The following SPEG variants were observed in gnomAD, a reference collection of about 807,000 sequenced individuals.
SPEG encodes striated muscle enriched protein kinase, also known as striated muscle preferentially expressed protein kinase.
SPEG carries 114 observed loss-of-function variants against 300.4 expected under a neutral mutation model. The observed-to-expected ratio is 0.38, with a 90% confidence interval of 0.33 to 0.44. SPEG has a LOEUF of 0.44. SPEG is among the 20% of genes least tolerant of loss of function. The pLI is 1.00. For missense variants in SPEG, 4,201 were observed against 4,586.2 expected, an observed-to-expected ratio of 0.92 and a Z score of 2.43; for synonymous variants, 1,964 against 2,018.9, an observed-to-expected ratio of 0.97 and a Z score of 0.73.
At chr2:219,466,943 C>G in intron 9 of SPEG, 1 of 1,096,652 alleles carries the variant, frequency 9.1e-7, no homozygotes, top group East Asian at 3.1e-5. Context: ...CCTCAGTTCC[C>G]TCTTGCCTCC....
chr2:219,473,970 G>T lies in SPEG; in HGVS notation c.4447+67G>T. 6.6e-7 allele frequency: 1 copy of T among 1,519,998 alleles called. No individual in the cohort carries two copies. Among genetic ancestry groups the T allele is most frequent in the Non-Finnish European group, 8.9e-7 (1 of 1,127,388 alleles). The allele number at this position is 1,519,998 out of a possible 1,614,324, so 94.2% of individuals were successfully genotyped here. On this transcript the variant is annotated intron_variant, in intron 18 of 40. Transcript: ENST00000312358. The surrounding 1 kb of genome is among the most constrained non-coding windows in gnomAD (Gnocchi z 4.6). Reference sequence around the variant, plus strand: ...CCAAAGCTCTCTACTCACACCCCCAGGTACACAACCTGCCTGACACTGCTG... The same window carrying T: ...CCAAAGCTCTCTACTCACACCCCCATGTACACAACCTGCCTGACACTGCTG...
At chr2:219,447,680 C>T (rs1388912828) in intron 3 of SPEG, among the ~76,000 whole-genome samples, 1 of 152,072 alleles carries the variant, frequency 6.6e-6, no homozygotes. Flanking sequence ...TCTGTTTCCG[C>T]TGTTTCTCGG....
At position 219,481,928 on chromosome 2, in the gene SPEG, G is replaced by A. The variant is rs1692885685; in HGVS notation, c.5565+248G>A. On this transcript the variant is annotated intron_variant, in intron 28 of 40. Coordinates refer to ENST00000312358, the MANE Select transcript of SPEG (RefSeq NM_005876.5). The surrounding 1 kb of genome is among the most constrained non-coding windows in gnomAD (Gnocchi z 5.4). ...TACTGGACTCCAGGGCATACGTCTG[G>A]ACCTCTCCATCCTGGGCGTCCTCAG... is the stretch of plus-strand genomic sequence containing the variant. 1 of 593,510 alleles carries A rather than the reference G, an allele frequency of 1.7e-6. No individual in the cohort carries two copies. The highest frequency in any genetic ancestry group is 3.0e-6 in the Non-Finnish European group (1 of 331,706). 36.8% of individuals were successfully genotyped at this position (593,510 alleles called of 1,614,324 possible). A position where few individuals can be genotyped will look rare whatever the true frequency, so the allele number is the denominator to read the frequency against.
chr2:219,459,254 C>T lies in SPEG; in HGVS notation c.2441-2628C>T, dbSNP rs1690444853. Reference sequence around the variant, plus strand: ...GGTTTAGGGGGGCACCTGCCCCCTCCTTCCTGGCTGGTGTAACTGTGTTTG... The same window carrying T: ...GGTTTAGGGGGGCACCTGCCCCCTCTTTCCTGGCTGGTGTAACTGTGTTTG... On this transcript the variant is annotated intron_variant, in intron 6 of 40. Transcript: ENST00000312358. The surrounding 1 kb of genome is among the most constrained non-coding windows in gnomAD (Gnocchi z 4.9). Among the ~76,000 whole-genome samples the T allele has an allele frequency of 1.3e-5, 2 of 152,228 alleles. No individual in the cohort carries two copies. The highest frequency in any genetic ancestry group is 1.3e-4 in the Admixed American group (2 of 15,286).
At position 219,435,184 on chromosome 2, in the gene SPEG, GC is replaced by G; in HGVS notation, c.211del (p.Gln71SerfsTer107). 1 of 1,476,362 alleles carries G rather than the reference GC, an allele frequency of 6.8e-7. No homozygotes were observed. 91.5% of individuals were successfully genotyped at this position (1,476,362 alleles called of 1,614,324 possible). A position where few individuals can be genotyped will look rare whatever the true frequency, so the allele number is the denominator to read the frequency against. On this transcript the variant is annotated frameshift_variant, in exon 1 of 41. Transcript: ENST00000312358. LOFTEE classifies it high-confidence loss of function. Reference protein sequence around the residue: ...VRLRVVVSGTPQPSLRWFRDG... With the variant: ...VRLRVVVSGTXQPSLRWFRDG... ...GGCTGCGGGTGGTGGTGAGCGGGAC[GC>G]CCCAGCCCAGCCTCCGCTGGTTCCG...
rs572398417 is a variant in SPEG, at chr2:219,479,026, A to C, written c.5028-118A>C. On this transcript the variant is annotated intron_variant, in intron 22 of 40. Coordinates refer to ENST00000312358, the MANE Select transcript of SPEG (RefSeq NM_005876.5). This position sits in a 1 kb window ranked among gnomAD's most constrained non-coding sequence, Gnocchi z 5.5. Reference sequence around the variant, plus strand: ...AGGAGCGGAGAGGCAGTCTCTGGCTAGTATCAAGCATTCTGTAAGGGGAAG... The same window carrying C: ...AGGAGCGGAGAGGCAGTCTCTGGCTCGTATCAAGCATTCTGTAAGGGGAAG... 2.4e-6 allele frequency: 2 copies of C among 833,850 alleles called. No homozygotes were observed. Among genetic ancestry groups the C allele is most frequent in the East Asian group, 5.2e-5 (2 of 38,326 alleles). 51.7% of individuals were successfully genotyped at this position (833,850 alleles called of 1,614,324 possible).
intron 9 of SPEG, chr2:219,465,417 G>C: frequency 6.5e-6 from 1 of 154,550 alleles, no homozygotes; most frequent in Non-Finnish European, 1.4e-5. Flanking sequence ...TGGCCCCCCT[G>C]CCTCAGTTCC....
At chr2:219,482,876 G>A (rs1390288181) in intron 29 of SPEG, 24 bp downstream of exon 29, 1 of 1,610,008 alleles carries the variant, frequency 6.2e-7, no homozygotes, top group African/African-American at 1.3e-5. Flanking sequence ...GCCAGCCTCT[G>A]TGCTTTCCAC....
rs982021382 is a variant in SPEG, at chr2:219,479,007, G to A, written c.5028-137G>A. 7.3e-5 allele frequency: 53 copies of A among 727,292 alleles called. No individual in the cohort carries two copies. The highest frequency in any genetic ancestry group is 1.0e-4 in the Non-Finnish European group (44 of 419,084). 45.1% of individuals were successfully genotyped at this position (727,292 alleles called of 1,614,324 possible). On this transcript the variant is annotated intron_variant, in intron 22 of 40. Coordinates refer to ENST00000312358, the MANE Select transcript of SPEG (RefSeq NM_005876.5). This position sits in a 1 kb window ranked among gnomAD's most constrained non-coding sequence, Gnocchi z 5.5. The stretch of plus-strand genomic sequence containing the variant: ...GGGGAGGGGGTACACGTGGAGGAGC[G>A]GAGAGGCAGTCTCTGGCTAGTATCA...
chr2:219,438,290 T>C (rs552287042), intron 1 of SPEG, among the ~76,000 whole-genome samples: 1 of 152,230 alleles, frequency 6.6e-6, no homozygotes, highest in South Asian at 2.1e-4. Context: ...GTTACTGTTA[T>C]GACCATTATT....
Position 219,448,426 on chromosome 2 carries a change from C to T in SPEG, c.1268C>T (p.Pro423Leu), listed in dbSNP as rs1303180441. The stretch of plus-strand genomic sequence containing the variant: ...GAGCGCAGCGACTCGCCGCCGGCGC[C>T]CCTGCGGCCCTGGGTGCCCCTGCGC... Reference protein sequence around the residue: ...SLERSDSPPAPLRPWVPLRKA... With the variant: ...SLERSDSPPALLRPWVPLRKA... The change falls in exon 4 of 41, where the codon CCC (proline) becomes CTC (leucine). Residue 423 changes from proline (P) to leucine (L), a missense_variant. Pro to Leu is a moderately conservative substitution (Grantham distance 98). This residue lies in a region of SPEG where 1,258 missense variants were observed against 1,293.9 expected (regional missense o/e 0.97). Coordinates refer to ENST00000312358, the MANE Select transcript of SPEG (RefSeq NM_005876.5). 1.4e-5 allele frequency: 21 copies of T among 1,519,764 alleles called. No individual in the cohort carries two copies. The highest frequency in any genetic ancestry group is 2.6e-5 in the East Asian group (1 of 38,966). 94.1% of individuals were successfully genotyped at this position (1,519,764 alleles called of 1,614,324 possible).
intron 3 of SPEG, 144 bp from the exon 4 acceptor site, chr2:219,447,830 G>T (rs1026404433): frequency 1.6e-4 from 118 of 735,990 alleles, no homozygotes; most frequent in South Asian, 8.9e-4. Flanking sequence ...TCCTCGTGGG[G>T]GTGGGGGTGG....
At position 219,479,798 on chromosome 2, in the gene SPEG, C is replaced by T. The variant is rs756388642; in HGVS notation, c.5101C>T (p.Arg1701Trp). Residue 1701 changes from arginine (R) to tryptophan (W), a missense_variant, in exon 24 of 41, where the codon CGG becomes TGG. Around this residue, in one of 4 missense-constraint regions of SPEG, gnomAD observed 1,047 missense variants for 1,356.8 expected, o/e 0.77. Transcript: ENST00000312358. The surrounding 1 kb of genome is among the most constrained non-coding windows in gnomAD (Gnocchi z 5.5). Reference protein sequence around the residue: ...VCESEIRAYMRQVLEGIHYLH... With the variant: ...VCESEIRAYMWQVLEGIHYLH... ...ATTTCCACAGATCCGGGCCTATATG[C>T]GGCAGGTGCTAGAGGGAATACACTA... 1.1e-5 allele frequency: 17 copies of T among 1,613,790 alleles called. No individual in the cohort carries two copies. The highest frequency in any genetic ancestry group is 6.7e-5 in the African/African-American group (5 of 74,900).
At chr2:219,460,749 C>A in intron 6 of SPEG, 1 of 985,762 alleles carries the variant, frequency 1.0e-6, no homozygotes, top group Non-Finnish European at 1.2e-6. Flanking sequence ...TAGCCAGCTG[C>A]CTGCCGGCCT....
rs979397414 is a variant in SPEG, at chr2:219,444,885, C to T, written c.539C>T (p.Thr180Ile). 6 of 1,572,960 alleles carry T rather than the reference C, an allele frequency of 3.8e-6. No homozygotes were observed. The highest frequency in any genetic ancestry group is 1.8e-5 in the Admixed American group (1 of 56,762). The change falls in exon 3 of 41, where the codon ACC becomes ATC. Residue 180 changes from threonine (T) to isoleucine (I), a missense_variant. Coordinates refer to ENST00000312358, the MANE Select transcript of SPEG (RefSeq NM_005876.5). The surrounding 1 kb of genome is among the most constrained non-coding windows in gnomAD (Gnocchi z 7.8). ...LDTPPTSVTG[T>I]SEEQVSWWGS... ...ACACCCCCGACCTCCGTGACAGGCA[C>T]CTCAGAGGAGCAAGTGAGCTGGTGG...
At position 219,471,905 on chromosome 2, in the gene SPEG, G is replaced by T. The variant is rs375403571; in HGVS notation, c.3753G>T (p.Gly1251=). The change falls in exon 14 of 41, where the codon GGG becomes GGT. Residue 1251 remains glycine, a synonymous_variant. Transcript: ENST00000312358. ...ATCGCTTGGTGTTCCCTGCCGTGGG[G>T]CCTCAGCACGCCGGTGTCTACAAGA... ...DVHRLVFPAV[G]PQHAGVYKSV... is the part of the protein sequence containing the mutation. 3.1e-6 allele frequency: 5 copies of T among 1,613,944 alleles called. No homozygotes were observed. Among genetic ancestry groups the T allele is most frequent in the Non-Finnish European group, 4.2e-6 (5 of 1,180,026 alleles).
chr2:219,460,723 G>A (rs1456851600), intron 6 of SPEG: 31 of 982,084 alleles, frequency 3.2e-5, no homozygotes, highest in Non-Finnish European at 3.4e-5. Flanking sequence ...TGTGGTCTCG[G>A]CAGGCACCAC....
chr2:219,463,392 A>ATTTTTTTT (rs71040459), intron 8 of SPEG, among the ~76,000 whole-genome samples: 3 of 23,946 alleles, frequency 1.3e-4, no homozygotes, highest in East Asian at 2.6e-3. Context: ...CCCCACTGTG[A>ATTTTTTTT]TTTTTTTTTT....
rs1048630657 is a variant in SPEG, at chr2:219,448,731, C to T, written c.1573C>T (p.Pro525Ser). 1.3e-6 allele frequency: 2 copies of T among 1,488,740 alleles called. No homozygotes were observed. The highest frequency in any genetic ancestry group is 1.5e-5 in the African/African-American group (1 of 68,300). 92.2% of individuals were successfully genotyped at this position (1,488,740 alleles called of 1,614,324 possible). A position where few individuals can be genotyped will look rare whatever the true frequency, so the allele number is the denominator to read the frequency against. The change falls in exon 4 of 41, where the codon CCA (proline) becomes TCA (serine). Residue 525 changes from proline to serine, a missense_variant. Physicochemically the swap from Pro to Ser is moderately conservative, Grantham distance 74. Around this residue, in one of 4 missense-constraint regions of SPEG, gnomAD observed 1,258 missense variants for 1,293.9 expected, o/e 0.97. Coordinates refer to ENST00000312358, the MANE Select transcript of SPEG (RefSeq NM_005876.5). ...CCTGCGCGCCACGCTGCAGCGTGCC[C>T]CATCCCCTCGAGAGCCCGGCGAGCC... ...ESLRATLQRA[P>S]SPREPGEPPL...
Sources: allele counts gnomAD v4.1 joint callset (sites outside exome capture counted in the v4.1 genomes callset), GRCh38; gene constraint gnomAD v4.1.1; regional missense constraint gnomAD v4.1.1; non-coding constraint Gnocchi (gnomAD v3.1); transcripts MANE v1.5; gene names NCBI Gene and HGNC (gene_info 2026-07-23, HGNC 2026-07-21).